The following DLGAP1 variants were observed in gnomAD, a reference collection of about 807,000 sequenced individuals.
The protein encoded by DLGAP1 is DLG associated protein 1, also known as disks large-associated protein 1.
DLGAP1 carries 11 observed loss-of-function variants against 90.8 expected under a neutral mutation model. The ratio of observed to expected loss-of-function variants is 0.12; its 90% CI spans 0.08 to 0.20. DLGAP1 has a LOEUF of 0.20. Ranked by LOEUF, DLGAP1 falls within the 10% of genes least tolerant of loss-of-function variation. The pLI is 1.00. For synonymous variants in DLGAP1, 558 were observed against 540.7 expected (o/e 1.03, Z -0.44); for missense variants, 1,050 against 1,333.8 (o/e 0.79, Z 3.31).
At chr18:4,036,265 G>A (rs556040123) in intron 2 of DLGAP1, among the ~76,000 whole-genome samples, 1 of 152,282 alleles carries the variant, frequency 6.6e-6, no homozygotes, top group East Asian at 1.9e-4. Flanking sequence ...CAAAGTGGGT[G>A]TGAAGAGGAC....
chr18:4,062,521 C>T (rs1259548986), intron 2 of DLGAP1, among the ~76,000 whole-genome samples: 3 of 152,088 alleles, frequency 2.0e-5, no homozygotes, highest in Non-Finnish European at 4.4e-5. Flanking sequence ...ATGGCACAAA[C>T]CTATGGCTGG....
intron 3 of DLGAP1, among the ~76,000 whole-genome samples, chr18:3,947,229 A>T (rs999083197): frequency 2.6e-5 from 4 of 151,810 alleles, no homozygotes; most frequent in African/African-American, 9.7e-5. Context: ...AACAGAAAGA[A>T]CTCTCTTTAT....
intron 3 of DLGAP1, among the ~76,000 whole-genome samples, chr18:3,957,963 G>A (rs1225409528): frequency 1.3e-5 from 2 of 148,740 alleles, no homozygotes; most frequent in South Asian, 2.1e-4. Context: ...GTGTGATCTC[G>A]GCTCACTGCA....
chr18:4,412,618 G>A (rs1244263138), intron 1 of DLGAP1, among the ~76,000 whole-genome samples: 1 of 152,160 alleles, frequency 6.6e-6, no homozygotes, highest in African/African-American at 2.4e-5. Context: ...ACAGCTTATT[G>A]ACATGAGAAC....
chr18:3,781,956 C>T (rs1291464637), intron 5 of DLGAP1, among the ~76,000 whole-genome samples: 2 of 152,066 alleles, frequency 1.3e-5, no homozygotes, highest in African/African-American at 4.8e-5. Context: ...GATTAAAATA[C>T]AGCTATCCTT....
At chr18:4,326,403 T>C (rs1023804341) in intron 1 of DLGAP1, among the ~76,000 whole-genome samples, 4 of 152,072 alleles carry the variant, frequency 2.6e-5, no homozygotes, top group African/African-American at 7.2e-5. Flanking sequence ...GGAGTGTAAA[T>C]TAGTTCAGTC....
At chr18:3,993,786 G>A (rs1384532043) in intron 3 of DLGAP1, among the ~76,000 whole-genome samples, 1 of 151,900 alleles carries the variant, frequency 6.6e-6, no homozygotes, top group Non-Finnish European at 1.5e-5. Flanking sequence ...CCCAAATCAG[G>A]GTGCAGCAAC....
intron 3 of DLGAP1, among the ~76,000 whole-genome samples, chr18:3,958,559 AAGGCAATGAAGAG>A (rs1216447749): frequency 6.6e-6 from 1 of 151,286 alleles, no homozygotes; most frequent in Non-Finnish European, 1.5e-5. Context: ...AGATTCATTA[AAGGCAATGAAGAG>A]AGTTCACAGT....
chr18:3,534,292 T>G lies in DLGAP1; in HGVS notation c.2381A>C (p.His794Pro). 3 of 1,614,212 alleles carry G rather than the reference T, an allele frequency of 1.9e-6. No individual in the cohort carries two copies. The highest frequency in any genetic ancestry group is 2.5e-6 in the Non-Finnish European group (3 of 1,180,024). Reference protein sequence around the residue: ...VQRSVCHRDGHWFLKLLQAER... With the variant: ...VQRSVCHRDGPWFLKLLQAER... The stretch of plus-strand genomic sequence containing the variant: ...TGCCTGGAGAAGCTTCAGGAACCAG[T>G]GGCCATCCCGGTGGCACACTGACCT... Residue 794 changes from histidine to proline, a missense_variant, in exon 10 of 13, where the codon CAC becomes CCC. His to Pro is a moderately conservative substitution (Grantham distance 77, BLOSUM62 -2). Transcript: ENST00000315677.
At chr18:4,250,937 A>C (rs2078766131) in intron 1 of DLGAP1, among the ~76,000 whole-genome samples, 1 of 152,090 alleles carries the variant, frequency 6.6e-6, no homozygotes, top group African/African-American at 2.4e-5. Context: ...AAAACCCCAC[A>C]AAAAACAGCC....
rs112338095 is a variant in DLGAP1, at chr18:4,454,406, T to TTCTCTCTATCTCTCTC, written c.-267+599_-267+600insGAGAGAGATAGAGAGA. On this transcript the variant is annotated intron_variant, in intron 1 of 12. Coordinates refer to ENST00000315677, the MANE Select transcript of DLGAP1 (RefSeq NM_004746.4). This position sits in a 1 kb window ranked among gnomAD's most constrained non-coding sequence, Gnocchi z 4.7. The stretch of plus-strand genomic sequence containing the variant: ...CAGTGACCTCCTCCTTGGACCCCAT[T>TTCTCTCTATCTCTCTC]TCTCTCTCTCTCTCTCTCTCTGTGC... 1.4e-3 allele frequency among the ~76,000 whole-genome samples: 212 copies of TTCTCTCTATCTCTCTC among 150,648 alleles called. No individual in the cohort carries two copies. Among genetic ancestry groups the TTCTCTCTATCTCTCTC allele is most frequent in the Admixed American group, 3.8e-3 (57 of 15,160 alleles).
intron 6 of DLGAP1, among the ~76,000 whole-genome samples, chr18:3,735,377 GC>G (rs1176037473): frequency 6.6e-6 from 1 of 152,080 alleles, no homozygotes; most frequent in Non-Finnish European, 1.5e-5. Context: ...GTGACACCAC[GC>G]CTGGCTAACT....
intron 1 of DLGAP1, among the ~76,000 whole-genome samples, chr18:4,156,397 T>C (rs2076757125): frequency 6.6e-6 from 1 of 152,224 alleles, no homozygotes; most frequent in African/African-American, 2.4e-5. Context: ...ACCTGGTATG[T>C]AACAGGAATG....
intron 5 of DLGAP1, among the ~76,000 whole-genome samples, chr18:3,744,994 TA>T (rs374512338): frequency 1.2e-3 from 185 of 152,206 alleles, no homozygotes; most frequent in African/African-American, 4.4e-3. Context: ...ACTATTTGAC[TA>T]AAAAAAGGAA....
intron 8 of DLGAP1, among the ~76,000 whole-genome samples, chr18:3,574,582 C>A (rs1330006434): frequency 6.6e-6 from 1 of 152,048 alleles, no homozygotes; most frequent in Non-Finnish European, 1.5e-5. Context: ...TTTTGGAATT[C>A]ATTAAAATGA....
intron 1 of DLGAP1, among the ~76,000 whole-genome samples, chr18:4,399,834 T>C (rs2082515500): frequency 6.6e-6 from 1 of 152,162 alleles, no homozygotes; most frequent in Non-Finnish European, 1.5e-5. Flanking sequence ...GTGCCCTGTA[T>C]TTCCCAAGAC....
rs575345930 is a variant in DLGAP1, at chr18:4,084,558, A to G, written c.-159+66622T>C. Among the ~76,000 whole-genome samples, 330 of 152,292 alleles carry G rather than the reference A, an allele frequency of 2.2e-3. 3 individuals are homozygous for G. Among genetic ancestry groups the G allele is most frequent in the Middle Eastern group, 3.4e-3 (1 of 294 alleles). On this transcript the variant is annotated intron_variant, in intron 2 of 12. Transcript: ENST00000315677. The surrounding 1 kb of genome is among the most constrained non-coding windows in gnomAD (Gnocchi z 4.0). ...CACCCTATACCCACAGGACAGGAGCATCGTTATCTCTAAGACTCAGGGACA... is the reference window on the plus strand; with the variant it reads ...CACCCTATACCCACAGGACAGGAGCGTCGTTATCTCTAAGACTCAGGGACA...
At chr18:3,772,692 A>G (rs562010523) in intron 5 of DLGAP1, among the ~76,000 whole-genome samples, 1 of 151,956 alleles carries the variant, frequency 6.6e-6, no homozygotes, top group South Asian at 2.1e-4. Flanking sequence ...TTAGGCTCTA[A>G]GGGTGTTTTT....
intron 1 of DLGAP1, among the ~76,000 whole-genome samples, chr18:4,324,978 C>T (rs1015404214): frequency 2.6e-5 from 4 of 152,146 alleles, no homozygotes; most frequent in East Asian, 3.9e-4. Context: ...CCCTTTCTTA[C>T]TACTCCTATT....
Sources: allele counts gnomAD v4.1 joint callset (sites outside exome capture counted in the v4.1 genomes callset), GRCh38; gene constraint gnomAD v4.1.1; non-coding constraint Gnocchi (gnomAD v3.1); transcripts MANE v1.5; gene names NCBI Gene and HGNC (gene_info 2026-07-23, HGNC 2026-07-21).